The following CELF2 variants were observed in gnomAD, a reference collection of about 807,000 sequenced individuals.
CELF2 encodes the protein CUG triplet repeat RNA-binding protein 2.
Under a neutral mutation model 62.6 loss-of-function variants are expected in CELF2, and 8 were observed. The ratio of observed to expected loss-of-function variants is 0.13; its 90% CI spans 0.07 to 0.23. The LOEUF (loss-of-function observed/expected upper bound fraction) is 0.23, where lower values mean the gene tolerates loss of function less well. CELF2 is among the 10% of genes least tolerant of loss of function. CELF2 has a pLI of 1.00. For synonymous variants in CELF2, 258 were observed against 250.0 expected (o/e 1.03, Z -0.30); for missense variants, 333 against 671.0 (o/e 0.50, Z 5.56).
chr10:10,952,058 C>G (rs939581838), intron 2 of CELF2: 2 of 152,252 alleles, frequency 1.3e-5, no homozygotes, highest in African/African-American at 2.4e-5. Context: ...ACCCACTGCC[C>G]GAGCATCATG....
At chr10:11,027,125 C>T (rs181293744) in intron 1 of CELF2, among the ~76,000 whole-genome samples, 2 of 152,298 alleles carry the variant, frequency 1.3e-5, no homozygotes, top group Admixed American at 1.3e-4. Context: ...GCCATCTTTT[C>T]TTGGTGTCAG....
chr10:11,210,304 A>G (rs748547982), intron 2 of CELF2, among the ~76,000 whole-genome samples: 1 of 152,208 alleles, frequency 6.6e-6, no homozygotes, highest in Non-Finnish European at 1.5e-5. Context: ...GTAGGTTTTC[A>G]TATATGTAAG....
intron 2 of CELF2, among the ~76,000 whole-genome samples, chr10:11,193,652 G>T (rs1332926700): frequency 3.3e-5 from 5 of 152,196 alleles, no homozygotes; most frequent in Admixed American, 6.5e-5. Context: ...TAGGGGCCGG[G>T]TGTACAGCAG....
At chr10:10,939,680 C>T (rs2046831074) in intron 2 of CELF2, among the ~76,000 whole-genome samples, 1 of 151,754 alleles carries the variant, frequency 6.6e-6, no homozygotes. Flanking sequence ...CCAGGCCGGG[C>T]GCGGTGGCTC....
At chr10:10,687,823 T>C in the CELF2 span, among the ~76,000 whole-genome samples, 2 of 152,326 alleles carry the variant, frequency 1.3e-5, no homozygotes, top group East Asian at 3.9e-4. Context: ...TCCTACCCAC[T>C]GTCAATTTGC....
chr10:10,820,305 A>G (rs571083468), intron 1 of CELF2, among the ~76,000 whole-genome samples: 1 of 152,330 alleles, frequency 6.6e-6, no homozygotes, highest in Non-Finnish European at 1.5e-5. Flanking sequence ...GAAATCATTT[A>G]AAAAGGGAAA....
the CELF2 span, among the ~76,000 whole-genome samples, chr10:10,558,850 T>A: frequency 6.6e-6 from 1 of 152,198 alleles, no homozygotes; most frequent in African/African-American, 2.4e-5. Context: ...TCTCTGATGG[T>A]AGTTTATATT....
intron 1 of CELF2, among the ~76,000 whole-genome samples, chr10:11,062,921 G>GC (rs1193886223): frequency 8.6e-6 from 1 of 116,232 alleles, no homozygotes; most frequent in Non-Finnish European, 1.7e-5. Flanking sequence ...TTAAGAGATT[G>GC]CCACATCCTT....
Position 11,075,793 on chromosome 10 carries a change from G to C in CELF2, c.74+57630G>C, listed in dbSNP as rs560019858. Among the ~76,000 whole-genome samples the C allele has an allele frequency of 1.3e-5, 2 of 150,304 alleles. No homozygotes were observed. The highest frequency in any genetic ancestry group is 4.2e-4 in the South Asian group (2 of 4,812). On this transcript the variant is annotated intron_variant, in intron 1 of 12. Transcript: ENST00000633077. This position sits in a 1 kb window ranked among gnomAD's most constrained non-coding sequence, Gnocchi z 5.4. Reference sequence around the variant, plus strand: ...AGGCAAGCAGGTGCTATGGAATGATGGTTGAAAACGTCGTAGGCAAGAAAA... The same window carrying C: ...AGGCAAGCAGGTGCTATGGAATGATCGTTGAAAACGTCGTAGGCAAGAAAA...
intron 2 of CELF2, among the ~76,000 whole-genome samples, chr10:11,201,441 T>C (rs188744918): frequency 6.6e-5 from 10 of 152,326 alleles, no homozygotes; most frequent in Admixed American, 6.5e-4. Context: ...TTACTTTTTT[T>C]GTCACCTGTG....
intron 1 of CELF2, among the ~76,000 whole-genome samples, chr10:11,125,133 C>T (rs2058454364): frequency 6.6e-6 from 1 of 152,154 alleles, no homozygotes; most frequent in Non-Finnish European, 1.5e-5. Flanking sequence ...TTGACCCAGT[C>T]AGTGGTTAGA....
At chr10:11,164,950 G>T in intron 1 of CELF2, 2 of 510,466 alleles carry the variant, frequency 3.9e-6, no homozygotes, top group Non-Finnish European at 5.1e-6. Context: ...TTAGTCATCT[G>T]ACGGACTGCC....
rs1195728332 is a variant in CELF2 at position 11,191,616 on chromosome 10, C to T, written c.272-25809C>T. ...GAGCCTGGGGCACCCCATGGCCTGC[C>T]CTTGGGTTTCATTTAACTGTGGCCT... is the stretch of plus-strand genomic sequence containing the variant. On this transcript the variant is annotated intron_variant, in intron 2 of 12. Coordinates refer to ENST00000633077, the MANE Select transcript of CELF2 (RefSeq NM_001326342.2). The surrounding 1 kb of genome is among the most constrained non-coding windows in gnomAD (Gnocchi z 4.1). Among the ~76,000 whole-genome samples the T allele has an allele frequency of 6.6e-6, 1 of 152,098 alleles. No homozygotes were observed. The highest frequency in any genetic ancestry group is 2.1e-4 in the South Asian group (1 of 4,828).
chr10:11,274,532 C>A (rs1203937442), intron 7 of CELF2, among the ~76,000 whole-genome samples: 1 of 152,186 alleles, frequency 6.6e-6, no homozygotes, highest in African/African-American at 2.4e-5. Context: ...AAAATGGCTG[C>A]CCATTTGCTT....
rs1368459361 is a variant in CELF2 at position 11,145,081 on chromosome 10, A to G, written c.75-20405A>G. Among the ~76,000 whole-genome samples, 2 of 152,186 alleles carry G rather than the reference A, an allele frequency of 1.3e-5. No individual in the cohort carries two copies. Among genetic ancestry groups the G allele is most frequent in the African/African-American group, 4.8e-5 (2 of 41,462 alleles). On this transcript the variant is annotated intron_variant, in intron 1 of 12. Transcript: ENST00000633077. The surrounding 1 kb of genome is among the most constrained non-coding windows in gnomAD (Gnocchi z 4.3). Reference sequence around the variant, plus strand: ...TAGCATAACTGTGTTCCTCCCTGTAATGCAGTAGCCAAAGGTAATCTGTTT... The same window carrying G: ...TAGCATAACTGTGTTCCTCCCTGTAGTGCAGTAGCCAAAGGTAATCTGTTT...
the CELF2 span, among the ~76,000 whole-genome samples, chr10:10,517,065 A>G: frequency 6.6e-6 from 1 of 152,200 alleles, no homozygotes; most frequent in African/African-American, 2.4e-5. Flanking sequence ...GCATGAATTT[A>G]TTGAATTTTT....
At chr10:11,313,501 C>T (rs150935136) in intron 9 of CELF2, among the ~76,000 whole-genome samples, 338 of 152,240 alleles carry the variant, frequency 2.2e-3, no homozygotes, top group Non-Finnish European at 3.5e-3. Context: ...CTTAGTAAAA[C>T]GGATTCAAGA....
rs2094119347 is a variant in CELF2 at position 11,305,328 on chromosome 10, G to A, written c.977-8811G>A. On this transcript the variant is annotated intron_variant, in intron 9 of 12. Coordinates refer to ENST00000633077, the MANE Select transcript of CELF2 (RefSeq NM_001326342.2). This position sits in a 1 kb window ranked among gnomAD's most constrained non-coding sequence, Gnocchi z 4.8. ...GTATCCCTAAGTGGCAAAGGCCATT[G>A]GCCTCCTTGTGGAGTCCTCATGCCC... is the stretch of plus-strand genomic sequence containing the variant. Among the ~76,000 whole-genome samples the A allele has an allele frequency of 6.6e-6, 1 of 152,200 alleles. No individual in the cohort carries two copies. The highest frequency in any genetic ancestry group is 2.4e-5 in the African/African-American group (1 of 41,442).
intron 2 of CELF2, among the ~76,000 whole-genome samples, chr10:10,985,516 A>G (rs529914986): frequency 6.6e-6 from 1 of 152,284 alleles, no homozygotes; most frequent in Non-Finnish European, 1.5e-5. Context: ...ATTTTAATTG[A>G]CCACAAAGCA....
Sources: gnomAD v4.1 joint callset for allele counts (sites outside exome capture counted in the v4.1 genomes callset) on GRCh38, gnomAD v4.1.1 for gene constraint, Gnocchi (gnomAD v3.1) non-coding constraint, MANE v1.5 for transcripts, NCBI Gene and HGNC (gene_info 2026-07-23, HGNC 2026-07-21) for gene names.